The following NIPAL1 variants were observed in gnomAD, a reference collection of about 807,000 sequenced individuals.
The protein encoded by NIPAL1 is NIPA like domain containing 1, also known as magnesium transporter NIPA3.
Under a neutral mutation model 37.7 loss-of-function variants are expected in NIPAL1, and 35 were observed. That is an observed-to-expected ratio of 0.93 (90% CI 0.71 to 1.23). The LOEUF (loss-of-function observed/expected upper bound fraction) is 1.23, where lower values mean the gene tolerates loss of function less well. NIPAL1 is among the 50% of genes most tolerant of loss of function. The probability of loss-of-function intolerance (pLI) is 0.00; values close to 1 mark genes in which losing one functional copy is unlikely to be tolerated. For missense variants in NIPAL1, 412 were observed against 473.9 expected, an observed-to-expected ratio of 0.87 and a Z score of 1.21; for synonymous variants, 162 against 183.0, an observed-to-expected ratio of 0.89 and a Z score of 0.93.
intron 1 of NIPAL1, 67 bp from the exon 2 acceptor site, chr4:48,025,001 A>G: frequency 7.1e-7 from 1 of 1,409,170 alleles, no homozygotes; most frequent in Non-Finnish European, 9.9e-7. Context: ...TGTTTCCTGC[A>G]GAAAGCCGGT....
rs1715628134 is a variant in NIPAL1 at position 48,023,961 on chromosome 4, TAGAC to T, written c.47-1103_47-1100del. Among the ~76,000 whole-genome samples the T allele has an allele frequency of 3.4e-5, 5 of 148,650 alleles. No homozygotes were observed. The South Asian group carries it at 1.1e-3, about 32-fold the overall frequency. On this transcript the variant is annotated intron_variant, in intron 1 of 5. Transcript: ENST00000295461. ...ATGACTCATACCCCACCAAATGAGT[TAGAC>T]AGATTTCTTCTTTTTTTTTTTTTTT...
intron 3 of NIPAL1, among the ~76,000 whole-genome samples, chr4:48,031,217 A>AG (rs1414733144): frequency 7.9e-5 from 12 of 151,902 alleles, no homozygotes; most frequent in Non-Finnish European, 1.3e-4. Flanking sequence ...GGCACACACC[A>AG]CCACACCCAG....
At chr4:48,034,812 C>A in intron 4 of NIPAL1, 69 bp from the exon 5 acceptor site, 1 of 1,221,170 alleles carries the variant, frequency 8.2e-7, no homozygotes, top group Non-Finnish European at 1.2e-6. Flanking sequence ...CACAGTGTGA[C>A]TTCTGAGCTG....
chr4:48,035,435 GT>G, intron 5 of NIPAL1, 126 bp from the exon 6 acceptor site: 1 of 869,512 alleles, frequency 1.2e-6, no homozygotes, highest in Non-Finnish European at 1.8e-6. Context: ...ATAGAATGTT[GT>G]TTTTAATTTG....
chr4:48,031,991 T>A, intron 3 of NIPAL1, among the ~76,000 whole-genome samples: 1 of 152,182 alleles, frequency 6.6e-6, no homozygotes. Context: ...TTCTCCCCTC[T>A]GCCTCCCAAA....
chr4:48,028,806 A>G (rs1035141385), intron 2 of NIPAL1, among the ~76,000 whole-genome samples: 10 of 152,196 alleles, frequency 6.6e-5, no homozygotes, highest in South Asian at 2.1e-4. Context: ...CAACATATAT[A>G]TGAAAAAATC....
Position 48,037,407 on chromosome 4 carries a change from G to A in NIPAL1, c.*1235G>A, listed in dbSNP as rs954127878. The stretch of plus-strand genomic sequence containing the variant: ...CTTTTCTTTTACTATTATCCTAAAG[G>A]TTATTTTTCTTGTTGATATAGAGAT... On this transcript the variant is annotated 3_prime_UTR_variant, in exon 6 of 6. Coordinates refer to ENST00000295461, the MANE Select transcript of NIPAL1 (RefSeq NM_207330.3). The A allele has an allele frequency of 4.1e-6, 1 of 241,960 alleles. No individual in the cohort carries two copies. The highest frequency in any genetic ancestry group is 2.3e-5 in the African/African-American group (1 of 43,320). The allele number at this position is 241,960 out of a possible 1,614,324, so 15.0% of individuals were successfully genotyped here.
rs1032817961 is a variant in NIPAL1 at position 48,027,684 on chromosome 4, C to T, written c.313+2350C>T. On this transcript the variant is annotated intron_variant, in intron 2 of 5. Coordinates refer to ENST00000295461, the MANE Select transcript of NIPAL1 (RefSeq NM_207330.3). This position sits in a 1 kb window ranked among gnomAD's most constrained non-coding sequence, Gnocchi z 4.1. ...TATATTAAAATTGATAAGAAAACTCCATTTTCTATAGTAAATATAATGACA... is the reference window on the plus strand; with the variant it reads ...TATATTAAAATTGATAAGAAAACTCTATTTTCTATAGTAAATATAATGACA... Among the ~76,000 whole-genome samples the T allele has an allele frequency of 6.6e-6, 1 of 152,238 alleles. No homozygotes were observed. Among genetic ancestry groups the T allele is most frequent in the African/African-American group, 2.4e-5 (1 of 41,548 alleles).
chr4:48,024,924 T>G, intron 1 of NIPAL1, 144 bp from the exon 2 acceptor site: 1 of 676,850 alleles, frequency 1.5e-6, no homozygotes, highest in Non-Finnish European at 2.6e-6. Context: ...TCTATAGGTC[T>G]GTGGGCCACC....
chr4:48,024,861 G>A (rs1715651739), intron 1 of NIPAL1, among the ~76,000 whole-genome samples: 1 of 152,180 alleles, frequency 6.6e-6, no homozygotes, highest in African/African-American at 2.4e-5. Flanking sequence ...AATGATGACA[G>A]CTAAACACTT....
At chr4:48,034,777 C>A in intron 4 of NIPAL1, 104 bp from the exon 5 acceptor site, 1 of 805,750 alleles carries the variant, frequency 1.2e-6, no homozygotes, top group Non-Finnish European at 2.0e-6. Context: ...CCAGTCAGCT[C>A]ATTGGGATAC....
intron 1 of NIPAL1, among the ~76,000 whole-genome samples, chr4:48,017,826 A>C (rs1715473650): frequency 6.6e-6 from 1 of 150,710 alleles, no homozygotes; most frequent in South Asian, 2.1e-4. Flanking sequence ...GGTAAGAACT[A>C]CTATATATAT....
rs1377224061 is a variant in NIPAL1 at position 48,036,037 on chromosome 4, G to A, written c.1098G>A (p.Glu366=). The part of the protein sequence containing the change: ...AFKNTDITWS[E]LTSTAKKEAV... ...AAAATACTGACATTACTTGGAGTGAGCTTACATCCACTGCTAAGAAAGAAG... is the reference window on the plus strand; with the variant it reads ...AAAATACTGACATTACTTGGAGTGAACTTACATCCACTGCTAAGAAAGAAG... Residue 366 remains glutamate (E), a synonymous_variant, in exon 6 of 6, where the codon GAG becomes GAA. Coordinates refer to ENST00000295461, the MANE Select transcript of NIPAL1 (RefSeq NM_207330.3). 6.2e-7 allele frequency: 1 copy of A among 1,611,314 alleles called. No homozygotes were observed. The highest frequency in any genetic ancestry group is 2.2e-5 in the East Asian group (1 of 44,882).
chr4:48,021,774 A>T (rs1715571915), intron 1 of NIPAL1, among the ~76,000 whole-genome samples: 1 of 152,144 alleles, frequency 6.6e-6, no homozygotes, highest in Non-Finnish European at 1.5e-5. Flanking sequence ...TTTTCAAGAT[A>T]TATGGAGAAA....
intron 1 of NIPAL1, among the ~76,000 whole-genome samples, chr4:48,023,536 C>T (rs969905593): frequency 1.8e-4 from 28 of 152,164 alleles, no homozygotes; most frequent in Admixed American, 1.7e-3. Flanking sequence ...TTCCTTTACC[C>T]TCTTTTGTTT....
chr4:48,039,032 ATGT>A lies in NIPAL1; in HGVS notation c.*2866_*2868del, dbSNP rs1241061080. ...TGATGCACATGCATTAAAAAAAAAA[ATGT>A]TGTTGCAAATCTAACACTAAAAAAT... On this transcript the variant is annotated 3_prime_UTR_variant, in exon 6 of 6. Transcript: ENST00000295461. The A allele has an allele frequency of 3.9e-5, 6 of 152,028 alleles. No homozygotes were observed. Among genetic ancestry groups the A allele is most frequent in the South Asian group, 2.1e-4 (1 of 4,822 alleles). 9.4% of individuals were successfully genotyped at this position (152,028 alleles called of 1,614,324 possible). A position where few individuals can be genotyped will look rare whatever the true frequency, so the allele number is the denominator to read the frequency against.
rs116301526 is a variant in NIPAL1 at position 48,028,738 on chromosome 4, C to G, written c.314-1382C>G. On this transcript the variant is annotated intron_variant, in intron 2 of 5. Transcript: ENST00000295461. ...ACAACTCAACAAGAAAAAAACAAACCCATGAAAAAGTGGGTAAAGGATATG... is the reference window on the plus strand; with the variant it reads ...ACAACTCAACAAGAAAAAAACAAACGCATGAAAAAGTGGGTAAAGGATATG... 8.6e-3 allele frequency among the ~76,000 whole-genome samples: 1,313 copies of G among 151,884 alleles called. 20 individuals are homozygous for G. Among genetic ancestry groups the G allele is most frequent in the African/African-American group, 0.03 (1,223 of 41,446 alleles).
chr4:48,022,118 T>A (rs1391044605), intron 1 of NIPAL1, among the ~76,000 whole-genome samples: 2 of 152,170 alleles, frequency 1.3e-5, no homozygotes, highest in African/African-American at 4.8e-5. Flanking sequence ...AAAATTACTG[T>A]GCTTACTTAA....
chr4:48,021,621 T>A (rs1429504222), intron 1 of NIPAL1, among the ~76,000 whole-genome samples: 1 of 152,144 alleles, frequency 6.6e-6, no homozygotes, highest in African/African-American at 2.4e-5. Flanking sequence ...GTGATAGTTA[T>A]ACAGTGGAAT....
Sources: gnomAD v4.1 joint callset for allele counts (sites outside exome capture counted in the v4.1 genomes callset) on GRCh38, gnomAD v4.1.1 for gene constraint, Gnocchi (gnomAD v3.1) non-coding constraint, MANE v1.5 for transcripts, NCBI Gene and HGNC (gene_info 2026-07-23, HGNC 2026-07-21) for gene names.